The following DNAJC10 variants were observed in gnomAD, a reference collection of about 807,000 sequenced individuals.
DNAJC10 encodes the protein DnaJ heat shock protein family (Hsp40) member C10, also known as endoplasmic reticulum disulfide reductase DNAJC10.
A neutral mutation model predicts 115.0 loss-of-function variants in DNAJC10; 101 were observed. The observed-to-expected ratio is 0.88, with a 90% CI of 0.75 to 1.04. DNAJC10 has a LOEUF of 1.04. DNAJC10 is among the 50% of genes least tolerant of loss of function. The pLI, the probability that DNAJC10 is intolerant of heterozygous loss-of-function variation, is 0.00. For synonymous variants in DNAJC10, 307 were observed against 301.5 expected (o/e 1.02, Z -0.19); for missense variants, 981 against 928.8 (o/e 1.06, Z -0.73).
At position 182,755,024 on chromosome 2, in the gene DNAJC10, A is replaced by T. The variant is rs771032289; in HGVS notation, c.1573A>T (p.Thr525Ser). ...TCAGTATAACATTCAGGCTTATCCAACAACAGTGGTATTCAACCAGTCCAA... is the reference window on the plus strand; with the variant it reads ...TCAGTATAACATTCAGGCTTATCCATCAACAGTGGTATTCAACCAGTCCAA... ...CNMYNIQAYP[T>S]TVVFNQSNIH... The change falls in exon 17 of 24, where the codon ACA becomes TCA. Residue 525 changes from threonine to serine, a missense_variant. By Grantham distance (58) the Thr-to-Ser change is moderately conservative (BLOSUM62 1). Coordinates refer to ENST00000264065, the MANE Select transcript of DNAJC10 (RefSeq NM_018981.4). 6 of 1,604,776 alleles carry T rather than the reference A, an allele frequency of 3.7e-6. No individual in the cohort carries two copies. The East Asian group carries it at 1.3e-4, about 36-fold the overall frequency.
At chr2:182,774,979 C>G (rs1356211396) in intron 22 of DNAJC10, among the ~76,000 whole-genome samples, 1 of 152,100 alleles carries the variant, frequency 6.6e-6, no homozygotes, top group Non-Finnish European at 1.5e-5. Context: ...GCTATTCCTA[C>G]TCAGCCATCT....
At chr2:182,736,952 G>T (rs1693600610) in intron 11 of DNAJC10, among the ~76,000 whole-genome samples, 1 of 152,168 alleles carries the variant, frequency 6.6e-6, no homozygotes, top group East Asian at 1.9e-4. Context: ...GTTTCGCCAT[G>T]TTGGCCAGGC....
rs1695084233 is a variant in DNAJC10, at chr2:182,793,235, G to A, written c.*16103G>A. On this transcript the variant is annotated 3_prime_UTR_variant, in exon 24 of 24. Coordinates refer to ENST00000264065, the MANE Select transcript of DNAJC10 (RefSeq NM_018981.4). ...TGGCTGGAATGGAGTGAGCTAGCAG[G>A]AGAGAAGATGAAGTTAGAGGGAGAG... is the stretch of plus-strand genomic sequence containing the variant. 1 of 152,478 alleles carries A rather than the reference G, an allele frequency of 6.6e-6. No individual in the cohort carries two copies. The highest frequency in any genetic ancestry group is 2.1e-4 in the South Asian group (1 of 4,814). 9.4% of individuals were successfully genotyped at this position (152,478 alleles called of 1,614,324 possible). A position where few individuals can be genotyped will look rare whatever the true frequency, so the allele number is the denominator to read the frequency against.
chr2:182,717,139 C>G (rs891022886), intron 2 of DNAJC10, 67 bp downstream of exon 2: 1 of 152,072 alleles, frequency 6.6e-6, no homozygotes, highest in African/African-American at 2.4e-5. Flanking sequence ...GTGCGAGGAG[C>G]GTTAGATTTT....
rs1429749996 is a variant in DNAJC10 at position 182,757,693 on chromosome 2, C to T, written c.1811C>T (p.Thr604Ile). The change falls in exon 19 of 24, where the codon ACA becomes ATA. Residue 604 changes from threonine (T) to isoleucine (I), a missense_variant and splice_region_variant. Thr to Ile is a moderately conservative substitution (Grantham distance 89). Transcript: ENST00000264065. ...LMPEWKRMAR[T>I]LTGLINVGSI... ...GGTAATCTGTTTTTTCTTTTACAGACATTAACTGGACTGATCAACGTGGGC... is the reference window on the plus strand; with the variant it reads ...GGTAATCTGTTTTTTCTTTTACAGATATTAACTGGACTGATCAACGTGGGC... 4.6e-6 allele frequency: 7 copies of T among 1,517,664 alleles called. No homozygotes were observed. The highest frequency in any genetic ancestry group is 1.4e-5 in the African/African-American group (1 of 71,180). The allele number at this position is 1,517,664 out of a possible 1,614,324, so 94.0% of individuals were successfully genotyped here. A position where few individuals can be genotyped will look rare whatever the true frequency, so the allele number is the denominator to read the frequency against.
At chr2:182,732,451 C>T (rs1457979080) in intron 9 of DNAJC10, 48 bp from the exon 10 acceptor site, 1 of 1,584,724 alleles carries the variant, frequency 6.3e-7, no homozygotes, top group Non-Finnish European at 8.7e-7. Flanking sequence ...GTATTTTCAT[C>T]AGGCTTAATA....
At chr2:182,765,560 G>A (rs756398198) in intron 22 of DNAJC10, among the ~76,000 whole-genome samples, 5 of 152,258 alleles carry the variant, frequency 3.3e-5, no homozygotes, top group Admixed American at 2.6e-4. Flanking sequence ...ATGCGGTTGC[G>A]AGGGCTTCCA....
At chr2:182,727,913 G>A (rs1693332167) in intron 5 of DNAJC10, among the ~76,000 whole-genome samples, 1 of 152,020 alleles carries the variant, frequency 6.6e-6, no homozygotes, top group Non-Finnish European at 1.5e-5. Flanking sequence ...ATGTACTATT[G>A]GCTAGATATT....
At chr2:182,748,025 A>G (rs1693915361) in intron 14 of DNAJC10, among the ~76,000 whole-genome samples, 2 of 146,584 alleles carry the variant, frequency 1.4e-5, no homozygotes, top group Non-Finnish European at 3.0e-5. Flanking sequence ...TATATGCTGG[A>G]TTACATTTAT....
chr2:182,742,595 C>T (rs180756568), intron 13 of DNAJC10, among the ~76,000 whole-genome samples: 8 of 152,308 alleles, frequency 5.3e-5, no homozygotes, highest in Admixed American at 2.6e-4. Flanking sequence ...ACTGACAGCA[C>T]GTGAGTGGCC....
chr2:182,779,162 T>C lies in DNAJC10; in HGVS notation c.*2030T>C, dbSNP rs3738945. ...GAATCAGCTCTAAGCCAGGGCCCCC[T>C]GGGAGTCATGTTAAGAAACACGTAT... On this transcript the variant is annotated 3_prime_UTR_variant, in exon 24 of 24. Transcript: ENST00000264065. The C allele has an allele frequency of 0.44, 66,379 of 152,142 alleles. 16,891 individuals carry two copies. Among genetic ancestry groups the C allele is most frequent in the Middle Eastern group, 0.57 (168 of 294 alleles). The allele number at this position is 152,142 out of a possible 1,614,324, so 9.4% of individuals were successfully genotyped here. A position where few individuals can be genotyped will look rare whatever the true frequency, so the allele number is the denominator to read the frequency against.
At chr2:182,747,118 G>A (rs1438943103) in intron 14 of DNAJC10, among the ~76,000 whole-genome samples, 1 of 151,996 alleles carries the variant, frequency 6.6e-6, no homozygotes, top group Non-Finnish European at 1.5e-5. Context: ...GTACCATGCT[G>A]TTTTGGTTAC....
At chr2:182,723,545 T>G (rs1219039743) in intron 5 of DNAJC10, among the ~76,000 whole-genome samples, 1 of 152,234 alleles carries the variant, frequency 6.6e-6, no homozygotes, top group African/African-American at 2.4e-5. Context: ...TTAATGCTCA[T>G]GTCACAAGCT....
rs987196034 is a variant in DNAJC10, at chr2:182,768,912, G to GT, written c.2265+6114dup. Among the ~76,000 whole-genome samples the GT allele has an allele frequency of 1.2e-4, 19 of 152,190 alleles. No individual in the cohort carries two copies. In the Middle Eastern group the frequency reaches 0.014, roughly 109 times the overall value. ...ACATAGGTATACATGTGTCGTGTTG[G>GT]TTTGCTGCACCCATCAACTCATCAT... is the stretch of plus-strand genomic sequence containing the variant. On this transcript the variant is annotated intron_variant, in intron 22 of 23. Coordinates refer to ENST00000264065, the MANE Select transcript of DNAJC10 (RefSeq NM_018981.4).
chr2:182,739,786 C>T (rs1198100785), intron 11 of DNAJC10: 5 of 994,492 alleles, frequency 5.0e-6, no homozygotes, highest in Non-Finnish European at 4.8e-6. Flanking sequence ...AGCAAAAGTC[C>T]ATTCCAATTT....
At chr2:182,742,342 A>G (rs1264651350) in intron 13 of DNAJC10, among the ~76,000 whole-genome samples, 1 of 152,138 alleles carries the variant, frequency 6.6e-6, no homozygotes, top group Non-Finnish European at 1.5e-5. Flanking sequence ...GGCGCATGCC[A>G]CCAAGTCCGG....
chr2:182,775,248 A>T (rs565064190), intron 22 of DNAJC10, 68 bp from the exon 23 acceptor site: 2 of 1,004,466 alleles, frequency 2.0e-6, no homozygotes, highest in African/African-American at 3.3e-5. Flanking sequence ...TATTTAATCA[A>T]GTTTCTTAGG....
chr2:182,752,171 G>T lies in DNAJC10; in HGVS notation c.1534G>T (p.Glu512Ter). The stretch of plus-strand genomic sequence containing the variant: ...TGGTACACTAGATTGTACAGTTCAT[G>T]AGGGACTCTGTAACATGGTAAGGCA... ...KFGTLDCTVH[E>*]GLCNMYNIQA... Residue 512 changes from glutamate to a stop codon, truncating the protein, a stop_gained, in exon 16 of 24, where the codon GAG becomes TAG. Coordinates refer to ENST00000264065, the MANE Select transcript of DNAJC10 (RefSeq NM_018981.4). LOFTEE classifies it high-confidence loss of function. 2 of 1,570,132 alleles carry T rather than the reference G, an allele frequency of 1.3e-6. No individual in the cohort carries two copies. The highest frequency in any genetic ancestry group is 2.3e-5 in the East Asian group (1 of 44,330).
At chr2:182,730,521 A>G (rs892685336) in intron 8 of DNAJC10, 10 of 450,218 alleles carry the variant, frequency 2.2e-5, no homozygotes, top group Non-Finnish European at 3.6e-5. Flanking sequence ...CAATATAGGT[A>G]CTATTATTAT....
Sources: allele counts gnomAD v4.1 joint callset (sites outside exome capture counted in the v4.1 genomes callset), GRCh38; gene constraint gnomAD v4.1.1; transcripts MANE v1.5; gene names NCBI Gene and HGNC (gene_info 2026-07-23, HGNC 2026-07-21).